The following XRCC3 variants were observed in gnomAD, a reference collection of about 807,000 sequenced individuals.
The protein encoded by XRCC3 is X-ray repair cross complementing 3.
A neutral mutation model predicts 29.2 loss-of-function variants in XRCC3; 34 were observed. The observed-to-expected ratio is 1.16, with a 90% CI of 0.88 to 1.55. The LOEUF (loss-of-function observed/expected upper bound fraction) is 1.55. XRCC3 is among the 40% of genes most tolerant of loss of function. The probability of loss-of-function intolerance (pLI) is 0.00; values close to 1 mark genes in which losing one functional copy is unlikely to be tolerated. For missense variants in XRCC3, 463 were observed against 467.6 expected (o/e 0.99, Z 0.09); for synonymous variants, 223 against 211.3 (o/e 1.06, Z -0.48).
intron 6 of XRCC3, 43 bp from the exon 7 acceptor site, chr14:103,703,370 G>C: frequency 6.5e-7 from 1 of 1,531,768 alleles, no homozygotes; most frequent in Non-Finnish European, 8.8e-7. Flanking sequence ...GACTCCAGAC[G>C]GGCCTGTGAC....
chr14:103,710,979 A>T, intron 4 of XRCC3, 54 bp downstream of exon 4: 1 of 1,591,576 alleles, frequency 6.3e-7, no homozygotes, highest in South Asian at 1.1e-5. Flanking sequence ...AACCTGCCTT[A>T]TATAAACTGC....
chr14:103,699,139 G>A lies in XRCC3; in HGVS notation c.815C>T (p.Pro272Leu), dbSNP rs1343968212. 7.0e-6 allele frequency: 11 copies of A among 1,573,000 alleles called. No homozygotes were observed. The highest frequency in any genetic ancestry group is 5.4e-5 in the African/African-American group (4 of 74,018). The change falls in exon 9 of 10, where the codon CCG becomes CTG. Residue 272 changes from proline to leucine, a missense_variant. Coordinates refer to ENST00000555055, the MANE Select transcript of XRCC3 (RefSeq NM_005432.4). ...ACCACATGGCTGCACTCACCCCAGC[G>A]GCCCGTGTGCTGCGCCCTGCTCCTC... ...AMEEQGAAHG[P>L]LGFWDERVSP...
chr14:103,707,976 T>A, intron 5 of XRCC3: 1 of 223,746 alleles, frequency 4.5e-6, no homozygotes. Flanking sequence ...AGCCCCAAGT[T>A]CAGCACGTTC....
chr14:103,701,167 C>T (rs1389001843), intron 7 of XRCC3: 32 of 1,548,784 alleles, frequency 2.1e-5, no homozygotes, highest in African/African-American at 6.8e-5. Context: ...CAGGTTTTGG[C>T]GGCCCAGCCC....
chr14:103,710,228 T>C (rs1302017777), intron 4 of XRCC3: 1 of 152,224 alleles, frequency 6.6e-6, no homozygotes, highest in Non-Finnish European at 1.5e-5. Flanking sequence ...CAATGGCCAG[T>C]ATGCACCCAG....
intron 4 of XRCC3, 137 bp from the exon 5 acceptor site, chr14:103,708,796 G>A (rs368584628): frequency 6.9e-6 from 8 of 1,154,084 alleles, no homozygotes; most frequent in East Asian, 2.6e-5. Flanking sequence ...GGTAGGGACC[G>A]GATCCCCTGC....
In XRCC3 at chr14:103,698,433, G is replaced by A. The variant is rs993526429; in HGVS notation, c.*365C>T. The stretch of plus-strand genomic sequence containing the variant: ...CCAGCCCAGGGGGCAGGCCTCAGAC[G>A]CAACCCCAGTTGGGCTTCCATGTGG... On this transcript the variant is annotated 3_prime_UTR_variant, in exon 10 of 10. Coordinates refer to ENST00000555055, the MANE Select transcript of XRCC3 (RefSeq NM_005432.4). 1.2e-5 allele frequency: 4 copies of A among 333,460 alleles called. No homozygotes were observed. Among genetic ancestry groups the A allele is most frequent in the African/African-American group, 6.4e-5 (3 of 46,678 alleles). 20.7% of individuals were successfully genotyped at this position (333,460 alleles called of 1,614,324 possible). A position where few individuals can be genotyped will look rare whatever the true frequency, so the allele number is the denominator to read the frequency against.
chr14:103,705,064 T>G (rs2083386605), intron 6 of XRCC3: 2 of 152,132 alleles, frequency 1.3e-5, no homozygotes, highest in South Asian at 4.1e-4. Context: ...TAAAGAAGAG[T>G]TGCAAAAATG....
At chr14:103,700,480 A>T in intron 7 of XRCC3, 1 of 548,500 alleles carries the variant, frequency 1.8e-6, no homozygotes, top group Non-Finnish European at 3.2e-6. Flanking sequence ...AGTGTAGTTC[A>T]GGCCCCACGG....
At chr14:103,704,439 C>G (rs939070456) in intron 6 of XRCC3, 2 of 152,252 alleles carry the variant, frequency 1.3e-5, no homozygotes, top group Non-Finnish European at 2.9e-5. Context: ...AAGAGACTCA[C>G]TCTGTCGCCC....
chr14:103,709,747 G>T (rs937941834), intron 4 of XRCC3: 1 of 152,256 alleles, frequency 6.6e-6, no homozygotes, highest in African/African-American at 2.4e-5. Context: ...CTTCACAGCC[G>T]TGAAGTCTGC....
intron 1 of XRCC3, chr14:103,713,416 ATC>A (rs1475406573): frequency 6.6e-6 from 1 of 152,456 alleles, no homozygotes; most frequent in Non-Finnish European, 1.5e-5. Flanking sequence ...TGACCAGCCC[ATC>A]TCTCTACACC....
chr14:103,700,890 G>A (rs1009239423), intron 7 of XRCC3, among the ~76,000 whole-genome samples: 1 of 152,204 alleles, frequency 6.6e-6, no homozygotes, highest in Admixed American at 6.5e-5. Context: ...CCATCCTCAT[G>A]CAAGCCCAAG....
At chr14:103,708,905 C>T in intron 4 of XRCC3, 1 of 507,214 alleles carries the variant, frequency 2.0e-6, no homozygotes, top group Non-Finnish European at 3.6e-6. Context: ...CAGATACCAG[C>T]CTCGTGAGCT....
chr14:103,706,195 G>A (rs761350689), intron 6 of XRCC3: 21 of 396,624 alleles, frequency 5.3e-5, no homozygotes, highest in Admixed American at 1.2e-4. Context: ...GGGTCCTGGG[G>A]ATGACGCTGA....
At chr14:103,710,853 AAC>A (rs71126055) in intron 4 of XRCC3, 178 bp downstream of exon 4, 153,404 of 557,576 alleles carry the variant, frequency 0.28, 8,270 homozygotes, top group Middle Eastern at 0.33. Context: ...TGTAGTTAAG[AAC>A]ACACACACAC....
chr14:103,703,317 G>T lies in XRCC3; in HGVS notation c.417C>A (p.Tyr139Ter). Residue 139 changes from tyrosine to a stop codon, truncating the protein, a stop_gained, in exon 7 of 10, where the codon TAC (tyrosine) becomes TAA (stop). Transcript: ENST00000555055. LOFTEE classifies it high-confidence loss of function. ...QHGGLEAGAV[Y>*]ICTEDAFPHK... The stretch of plus-strand genomic sequence containing the variant: ...GCGGGAAGGCGTCTTCCGTGCAGAT[G>T]TAGACGGCTCCTGGGAAGCAAGAGT... 1 of 1,551,186 alleles carries T rather than the reference G, an allele frequency of 6.4e-7. No individual in the cohort carries two copies.
At chr14:103,711,376 AC>A (rs1482053886) in intron 3 of XRCC3, 89 bp downstream of exon 3, 5 of 617,450 alleles carry the variant, frequency 8.1e-6, no homozygotes, top group Non-Finnish European at 9.0e-6. Context: ...CATTTGAAAA[AC>A]CCCCCAAACC....
chr14:103,701,262 G>A, intron 7 of XRCC3: 7 of 1,535,360 alleles, frequency 4.6e-6, no homozygotes, highest in South Asian at 3.6e-5. Context: ...GCTGGCCCGG[G>A]ACAGCCAGGG....
Sources: allele counts gnomAD v4.1 joint callset (sites outside exome capture counted in the v4.1 genomes callset), GRCh38; gene constraint gnomAD v4.1.1; transcripts MANE v1.5; gene names NCBI Gene and HGNC (gene_info 2026-07-23, HGNC 2026-07-21).